TUT4: variants seen among roughly 807,000 people sequenced by gnomAD.
TUT4 encodes the protein terminal uridylyl transferase 4.
TUT4 carries 36 observed loss-of-function variants against 192.2 expected under a neutral mutation model. The observed-to-expected ratio is 0.19, with a 90% CI of 0.14 to 0.25. TUT4 has a LOEUF of 0.25. Ranked by LOEUF, TUT4 falls within the 10% of genes least tolerant of loss-of-function variation. TUT4 has a pLI of 1.00. For missense variants in TUT4, 1,493 were observed against 1,957.2 expected (o/e 0.76, Z 4.47); for synonymous variants, 618 against 666.0 (o/e 0.93, Z 1.11).
intron 28 of TUT4, among the ~76,000 whole-genome samples, chr1:52,426,894 A>G (rs977437238): frequency 6.6e-6 from 1 of 152,294 alleles, no homozygotes; most frequent in Admixed American, 6.5e-5. Flanking sequence ...ACTCATAATA[A>G]TCTCCTCCGA....
Position 52,475,218 on chromosome 1 carries a change from T to G in TUT4, c.2341A>C (p.Asn781His), listed in dbSNP as rs1464198078. The change falls in exon 13 of 30, where the codon AAC becomes CAC. Residue 781 changes from asparagine to histidine, a missense_variant. Around this residue, in one of 7 missense-constraint regions of TUT4, gnomAD observed 245 missense variants for 218.4 expected, o/e 1.12. Transcript: ENST00000257177. Reference sequence around the variant, plus strand: ...TCTAGTTCATTTACCAACAAATTGTTGTTGTCAATAATACATCTCTGTGAT... The same window carrying G: ...TCTAGTTCATTTACCAACAAATTGTGGTTGTCAATAATACATCTCTGTGAT... ...CTSQRCIIDN[N>H]NLLVNELDFA... 3.7e-6 allele frequency: 6 copies of G among 1,614,152 alleles called. No individual in the cohort carries two copies. Among genetic ancestry groups the G allele is most frequent in the Non-Finnish European group, 5.1e-6 (6 of 1,180,028 alleles).
chr1:52,461,391 A>C, intron 18 of TUT4, 122 bp downstream of exon 18: 1 of 1,142,542 alleles, frequency 8.8e-7, no homozygotes, highest in Non-Finnish European at 1.2e-6. Context: ...GGAACTATCA[A>C]GATAACTAGT....
At chr1:52,514,090 T>C (rs1050055222) in intron 3 of TUT4, among the ~76,000 whole-genome samples, 3 of 152,172 alleles carry the variant, frequency 2.0e-5, no homozygotes, top group Non-Finnish European at 2.9e-5. Flanking sequence ...TCAGTTGAGA[T>C]GTCATCCAGA....
intron 1 of TUT4, among the ~76,000 whole-genome samples, chr1:52,538,327 T>A (rs181595132): frequency 3.3e-5 from 5 of 152,180 alleles, no homozygotes; most frequent in Admixed American, 3.3e-4. Flanking sequence ...AATGGGCATG[T>A]AACATGAAAG....
At chr1:52,425,262 C>A (rs538925579) in intron 29 of TUT4, 87 bp downstream of exon 29, 1 of 1,449,416 alleles carries the variant, frequency 6.9e-7, no homozygotes, top group Non-Finnish European at 9.3e-7. Context: ...CATGAATTTT[C>A]ACTCCCAGAT....
Position 52,445,652 on chromosome 1 carries a change from A to G in TUT4, c.3822+135T>C. The G allele has an allele frequency of 3.0e-6, 2 of 671,058 alleles. 1 individual carries two copies. Among genetic ancestry groups the G allele is most frequent in the South Asian group, 4.2e-5 (2 of 47,962 alleles). The allele number at this position is 671,058 out of a possible 1,614,324, so 41.6% of individuals were successfully genotyped here. On this transcript the variant is annotated intron_variant, in intron 24 of 29. Transcript: ENST00000257177. ...TATATATCTCACTATGGACTATGAT[A>G]AATGCAATAAGAAAAAATATACAAA...
intron 20 of TUT4, among the ~76,000 whole-genome samples, chr1:52,457,861 C>G (rs1389981303): frequency 6.6e-6 from 1 of 152,108 alleles, no homozygotes; most frequent in Non-Finnish European, 1.5e-5. Context: ...ATTAATATGA[C>G]TTCAGAAGAG....
intron 14 of TUT4, 84 bp downstream of exon 14, chr1:52,471,868 A>G (rs1665867248): frequency 7.0e-7 from 1 of 1,426,118 alleles, no homozygotes; most frequent in South Asian, 1.5e-5. Flanking sequence ...CAAAACGTAA[A>G]CAAACTGTTT....
intron 2 of TUT4, among the ~76,000 whole-genome samples, chr1:52,523,189 C>T (rs2149436241): frequency 6.6e-6 from 1 of 151,656 alleles, no homozygotes; most frequent in South Asian, 2.1e-4. Flanking sequence ...GATGGGATTT[C>T]ACCATGTTGG....
chr1:52,443,168 A>G (rs1656210787), intron 24 of TUT4, among the ~76,000 whole-genome samples: 1 of 152,084 alleles, frequency 6.6e-6, no homozygotes. Flanking sequence ...CTGTAATCCC[A>G]GCTACTTGGG....
rs1665926520 is a variant in TUT4, at chr1:52,472,107, A to G, written c.2728-5T>C. The stretch of plus-strand genomic sequence containing the variant: ...GCTGCATACTATCGTTGGTGGCTAC[A>G]CAAAGATAAAAAGAAATCTAATCTA... On this transcript the variant is annotated splice_region_variant and splice_polypyrimidine_tract_variant and intron_variant, in intron 13 of 29. Transcript: ENST00000257177. 6.2e-7 allele frequency: 1 copy of G among 1,611,836 alleles called. No individual in the cohort carries two copies. The highest frequency in any genetic ancestry group is 1.3e-5 in the African/African-American group (1 of 74,968).
intron 28 of TUT4, among the ~76,000 whole-genome samples, chr1:52,427,595 A>G (rs1316670458): frequency 6.6e-6 from 1 of 152,246 alleles, no homozygotes; most frequent in Non-Finnish European, 1.5e-5. Flanking sequence ...GTTGAATGAT[A>G]TATGAGAAGG....
intron 1 of TUT4, among the ~76,000 whole-genome samples, chr1:52,540,510 G>T (rs1411928504): frequency 7.4e-6 from 1 of 134,358 alleles, no homozygotes; most frequent in Non-Finnish European, 1.5e-5. Context: ...GCAAGACTCC[G>T]ACTCAAAAAA....
At chr1:52,429,645 G>T (rs1447865979) in intron 28 of TUT4, among the ~76,000 whole-genome samples, 1 of 151,134 alleles carries the variant, frequency 6.6e-6, no homozygotes, top group Admixed American at 6.6e-5. Context: ...AGGCTGGAAT[G>T]CAATGGCATG....
chr1:52,445,915 T>A, intron 23 of TUT4, 42 bp downstream of exon 23: 1 of 1,600,956 alleles, frequency 6.2e-7, no homozygotes, highest in Non-Finnish European at 8.5e-7. Flanking sequence ...CATTAATGTG[T>A]CAGAGTTTTA....
At chr1:52,437,075 C>T (rs1654015316) in intron 25 of TUT4, 97 bp from the exon 26 acceptor site, 3 of 1,466,952 alleles carry the variant, frequency 2.0e-6, no homozygotes, top group East Asian at 4.7e-5. Context: ...CTAACATGCC[C>T]ATCATTTCAT....
intron 14 of TUT4, 83 bp downstream of exon 14, chr1:52,471,869 C>T: frequency 1.4e-6 from 2 of 1,428,220 alleles, no homozygotes; most frequent in Non-Finnish European, 1.9e-6. Context: ...AAAACGTAAA[C>T]AAACTGTTTT....
At chr1:52,489,172 T>G (rs1381820723) in intron 8 of TUT4, 137 bp from the exon 9 acceptor site, 2 of 807,832 alleles carry the variant, frequency 2.5e-6, no homozygotes, top group Non-Finnish European at 3.4e-6. Context: ...ACAAATGTTT[T>G]AATAAATTTA....
intron 1 of TUT4, among the ~76,000 whole-genome samples, chr1:52,542,672 T>A (rs933431891): frequency 6.6e-6 from 1 of 152,152 alleles, no homozygotes; most frequent in African/African-American, 2.4e-5. Flanking sequence ...ACAGTAGACA[T>A]CATACTCAAT....
Sources: gnomAD v4.1 joint callset for allele counts (sites outside exome capture counted in the v4.1 genomes callset) on GRCh38, gnomAD v4.1.1 for gene constraint, gnomAD v4.1.1 regional missense constraint, MANE v1.5 for transcripts, NCBI Gene and HGNC (gene_info 2026-07-23, HGNC 2026-07-21) for gene names.